Variants in RASAL2 observed in about 807,000 individuals in gnomAD.
RASAL2 encodes ras GTPase-activating protein nGAP.
A neutral mutation model predicts 128.9 loss-of-function variants in RASAL2; 58 were observed. That is an observed-to-expected ratio of 0.45 (90% CI 0.36 to 0.56). RASAL2 has a LOEUF of 0.56. Ranked by LOEUF, RASAL2 falls within the 20% of genes least tolerant of loss-of-function variation. The pLI, the probability that RASAL2 is intolerant of heterozygous loss-of-function variation, is 0.00. For missense variants in RASAL2, 1,360 were observed against 1,601.6 expected (o/e 0.85, Z 2.57); for synonymous variants, 561 against 580.8 (o/e 0.97, Z 0.49).
At chr1:178,128,666 A>G (rs148217118) in intron 1 of RASAL2, among the ~76,000 whole-genome samples, 92 of 152,170 alleles carry the variant, frequency 6.0e-4, no homozygotes, top group Non-Finnish European at 9.1e-4. Context: ...TATTCCCACA[A>G]ATTCCTTTGT....
chr1:178,465,818 G>A lies in RASAL2; in HGVS notation c.3388-102G>A, dbSNP rs1006044497. 6 of 1,127,812 alleles carry A rather than the reference G, an allele frequency of 5.3e-6. No individual in the cohort carries two copies. In the African/African-American group the frequency reaches 8.2e-5, roughly 15 times the overall value. The allele number at this position is 1,127,812 out of a possible 1,614,324, so 69.9% of individuals were successfully genotyped here. A position where few individuals can be genotyped will look rare whatever the true frequency, so the allele number is the denominator to read the frequency against. ...TTCTTTTGTTAAAAAAAAGAAAAAA[G>A]AAAAAGAAAAAAAGAAAGAAAGAGA... is the stretch of plus-strand genomic sequence containing the variant. On this transcript the variant is annotated intron_variant, in intron 15 of 17. Transcript: ENST00000367649.
chr1:178,170,664 T>G (rs545972642), intron 1 of RASAL2, among the ~76,000 whole-genome samples: 5 of 151,700 alleles, frequency 3.3e-5, no homozygotes, highest in Admixed American at 6.6e-5. Flanking sequence ...ATTCTATTTA[T>G]TCATATTTCA....
chr1:178,170,907 T>C (rs968398338), intron 1 of RASAL2, among the ~76,000 whole-genome samples: 19 of 151,988 alleles, frequency 1.3e-4, no homozygotes, highest in Non-Finnish European at 2.5e-4. Context: ...ATTTCTTCCT[T>C]TGTCATTTCT....
intron 4 of RASAL2, among the ~76,000 whole-genome samples, chr1:178,409,081 G>A (rs781223706): frequency 6.6e-6 from 1 of 152,120 alleles, no homozygotes. Context: ...TCACATGGAG[G>A]CAAGAGAGAG....
At chr1:178,220,977 A>G (rs1663594974) in intron 1 of RASAL2, among the ~76,000 whole-genome samples, 3 of 152,206 alleles carry the variant, frequency 2.0e-5, no homozygotes, top group African/African-American at 7.2e-5. Flanking sequence ...GAGTATGTTT[A>G]GTTTTTAAAG....
At chr1:178,417,851 A>G (rs1674870552) in intron 4 of RASAL2, among the ~76,000 whole-genome samples, 1 of 151,988 alleles carries the variant, frequency 6.6e-6, no homozygotes, top group South Asian at 2.1e-4. Context: ...GTCTCAGTCA[A>G]ATGCTTAACT....
chr1:178,186,023 G>GT (rs1662279044), intron 1 of RASAL2, among the ~76,000 whole-genome samples: 5 of 151,836 alleles, frequency 3.3e-5, no homozygotes, highest in South Asian at 2.1e-4. Context: ...CTGGTACTTT[G>GT]TTTTTTGAAA....
intron 3 of RASAL2, among the ~76,000 whole-genome samples, chr1:178,335,415 C>G (rs887894656): frequency 1.3e-5 from 2 of 152,098 alleles, no homozygotes; most frequent in Non-Finnish European, 2.9e-5. Context: ...AGCCGCTGAA[C>G]TGAGGAAAGG....
chr1:178,354,429 C>A (rs1490695648), intron 3 of RASAL2, among the ~76,000 whole-genome samples: 2 of 152,124 alleles, frequency 1.3e-5, no homozygotes, highest in Non-Finnish European at 2.9e-5. Flanking sequence ...TAGATGAGGA[C>A]CAAGGCTGGG....
chr1:178,162,488 ATATATATATTTTATAT>A (rs1441608067), intron 1 of RASAL2, among the ~76,000 whole-genome samples: 5 of 123,592 alleles, frequency 4.0e-5, no homozygotes, highest in South Asian at 2.2e-4. Context: ...ATTTTATATA[ATATATATATTTTATAT>A]TATATATATT....
At chr1:178,348,805 G>GTT (rs35150239) in intron 3 of RASAL2, among the ~76,000 whole-genome samples, 93 of 140,674 alleles carry the variant, frequency 6.6e-4, no homozygotes, top group African/African-American at 1.2e-3. Flanking sequence ...TTTCTTTTTG[G>GTT]TTTTTTTTTT....
intron 1 of RASAL2, among the ~76,000 whole-genome samples, chr1:178,270,166 A>G (rs1048300187): frequency 1.3e-5 from 2 of 152,078 alleles, no homozygotes; most frequent in Non-Finnish European, 2.9e-5. Flanking sequence ...TGTTTTATAC[A>G]TAACTGTTTT....
chr1:178,119,190 A>G (rs145240175), intron 1 of RASAL2, among the ~76,000 whole-genome samples: 83 of 152,188 alleles, frequency 5.5e-4, no homozygotes, highest in African/African-American at 1.9e-3. Flanking sequence ...TTTGTGACCC[A>G]TTGTGTGTCA....
chr1:178,456,899 G>T lies in RASAL2; in HGVS notation c.2390G>T (p.Ser797Ile). Reference protein sequence around the residue: ...LQKIFEDPTDSDLHKLKSPSQ... With the variant: ...LQKIFEDPTDIDLHKLKSPSQ... ...AAAATATTTGAAGACCCCACTGACA[G>T]GTATGAAAGAGAGAATTTGACCACT... Residue 797 changes from serine (S) to isoleucine (I), a missense_variant and splice_region_variant, in exon 13 of 18, where the codon AGT (serine) becomes ATT (isoleucine). Around this residue, in one of 3 missense-constraint regions of RASAL2, gnomAD observed 741 missense variants for 868.6 expected, o/e 0.85. Coordinates refer to ENST00000367649, the MANE Select transcript of RASAL2 (RefSeq NM_170692.4). 1 of 1,612,360 alleles carries T rather than the reference G, an allele frequency of 6.2e-7. No individual in the cohort carries two copies.
intron 5 of RASAL2, among the ~76,000 whole-genome samples, chr1:178,432,067 CCTT>C (rs1338782212): frequency 6.6e-6 from 1 of 151,454 alleles, no homozygotes; most frequent in Non-Finnish European, 1.5e-5. Context: ...TACCTTCTAT[CCTT>C]CTGAACTCCT....
At chr1:178,410,370 A>G (rs934665316) in intron 4 of RASAL2, among the ~76,000 whole-genome samples, 1 of 152,176 alleles carries the variant, frequency 6.6e-6, no homozygotes, top group African/African-American at 2.4e-5. Context: ...ACAAAAATCA[A>G]CTCAAGATGG....
chr1:178,343,788 C>T (rs923817706), intron 3 of RASAL2, among the ~76,000 whole-genome samples: 30 of 150,810 alleles, frequency 2.0e-4, no homozygotes, highest in African/African-American at 6.3e-4. Context: ...TCATACCTTC[C>T]GTGTTAGAAA....
At chr1:178,466,752 G>A (rs1572131976) in intron 16 of RASAL2, among the ~76,000 whole-genome samples, 1 of 152,224 alleles carries the variant, frequency 6.6e-6, no homozygotes, top group Admixed American at 6.5e-5. Context: ...CAGATTCCAT[G>A]CTCATAACCT....
chr1:178,343,555 G>C (rs1436949661), intron 3 of RASAL2, among the ~76,000 whole-genome samples: 6 of 152,182 alleles, frequency 3.9e-5, no homozygotes, highest in African/African-American at 4.8e-5. Context: ...TGATAGAATA[G>C]AGAGTAAAAT....
Sources: gnomAD v4.1 joint callset for allele counts (sites outside exome capture counted in the v4.1 genomes callset) on GRCh38, gnomAD v4.1.1 for gene constraint, gnomAD v4.1.1 regional missense constraint, MANE v1.5 for transcripts, NCBI Gene and HGNC (gene_info 2026-07-23, HGNC 2026-07-21) for gene names.